Variants in CEP112 observed in about 807,000 individuals in gnomAD.
CEP112 encodes the protein centrosomal protein 112.
Under a neutral mutation model 153.0 loss-of-function variants are expected in CEP112, and 127 were observed. The observed-to-expected ratio is 0.83, with a 90% confidence interval of 0.72 to 0.96. CEP112 has a LOEUF of 0.96. Ranked by LOEUF, CEP112 falls within the 40% of genes least tolerant of loss-of-function variation. The probability of loss-of-function intolerance (pLI) is 0.00; values close to 1 mark genes in which losing one functional copy is unlikely to be tolerated. For synonymous variants in CEP112, 358 were observed against 374.4 expected, an observed-to-expected ratio of 0.96 and a Z score of 0.51; for missense variants, 1,089 against 1,101.2, an observed-to-expected ratio of 0.99 and a Z score of 0.16.
At chr17:65,981,795 G>A (rs1293331768) in intron 17 of CEP112, among the ~76,000 whole-genome samples, 2 of 152,058 alleles carry the variant, frequency 1.3e-5, no homozygotes, top group Admixed American at 6.6e-5. Context: ...GGCTGGTCTC[G>A]AACTCCTGAC....
At chr17:66,069,096 A>G (rs555297777) in intron 9 of CEP112, among the ~76,000 whole-genome samples, 1 of 151,788 alleles carries the variant, frequency 6.6e-6, no homozygotes, top group African/African-American at 2.4e-5. Context: ...TAATATATAT[A>G]TATTAAGCTT....
At chr17:65,641,366 T>A (rs1383258312) in intron 24 of CEP112, among the ~76,000 whole-genome samples, 1 of 152,150 alleles carries the variant, frequency 6.6e-6, no homozygotes, top group African/African-American at 2.4e-5. Flanking sequence ...ACTCATGAGG[T>A]TCCCCACTAT....
intron 12 of CEP112, among the ~76,000 whole-genome samples, chr17:66,051,932 A>C (rs1205762258): frequency 1.3e-5 from 2 of 152,234 alleles, no homozygotes; most frequent in Non-Finnish European, 2.9e-5. Context: ...TAATACACCT[A>C]ACCTACCAAA....
intron 24 of CEP112, among the ~76,000 whole-genome samples, chr17:65,650,726 C>T (rs1053808026): frequency 1.3e-5 from 1 of 76,980 alleles, no homozygotes; most frequent in Non-Finnish European, 2.2e-5. Context: ...TGAAAACTCT[C>T]TACTAAAAAA....
intron 12 of CEP112, among the ~76,000 whole-genome samples, chr17:66,043,388 ATATG>A (rs1295853528): frequency 1.3e-5 from 2 of 152,064 alleles, no homozygotes; most frequent in East Asian, 3.9e-4. Flanking sequence ...ATTTAGAAGC[ATATG>A]TATTACTTTA....
At chr17:65,952,659 T>C (rs1211794160) in intron 18 of CEP112, among the ~76,000 whole-genome samples, 2 of 152,166 alleles carry the variant, frequency 1.3e-5, no homozygotes. Flanking sequence ...ATATGGTCAT[T>C]GTGTATTTAA....
chr17:65,993,372 T>C (rs942708484), intron 17 of CEP112, among the ~76,000 whole-genome samples: 3 of 152,220 alleles, frequency 2.0e-5, no homozygotes, highest in African/African-American at 7.2e-5. Flanking sequence ...TCCATGTCTT[T>C]GCTACTGTGA....
chr17:66,153,724 A>G (rs7501670), intron 4 of CEP112, among the ~76,000 whole-genome samples: 152,210 of 152,260 alleles, frequency 1, 76,080 homozygotes, highest in Non-Finnish European at 1. Flanking sequence ...AAGCTGGAGG[A>G]CCTACACTAC....
intron 20 of CEP112, among the ~76,000 whole-genome samples, chr17:65,859,451 A>AAAAG (rs1555684826): frequency 5.3e-5 from 8 of 151,212 alleles, no homozygotes; most frequent in African/African-American, 9.7e-5. Flanking sequence ...AAAAAAAAAA[A>AAAAG]AAAAGAAAAG....
At chr17:65,870,077 G>GA (rs1173786781) in intron 20 of CEP112, among the ~76,000 whole-genome samples, 12 of 147,978 alleles carry the variant, frequency 8.1e-5, no homozygotes, top group African/African-American at 3.0e-4. Context: ...AAGAAAGAAA[G>GA]AAAGAAAAGA....
chr17:66,143,608 C>T (rs187047880), intron 4 of CEP112, among the ~76,000 whole-genome samples: 142 of 152,198 alleles, frequency 9.3e-4, no homozygotes, highest in South Asian at 5.6e-3. Context: ...GATTACAATT[C>T]GATACACAGA....
chr17:66,169,565 T>A (rs983638383), intron 4 of CEP112, among the ~76,000 whole-genome samples: 1 of 152,136 alleles, frequency 6.6e-6, no homozygotes, highest in Non-Finnish European at 1.5e-5. Flanking sequence ...ATTACAGGCA[T>A]AAGCCACCGC....
intron 21 of CEP112, among the ~76,000 whole-genome samples, chr17:65,780,453 T>C (rs1265980186): frequency 3.3e-5 from 5 of 152,120 alleles, no homozygotes; most frequent in Non-Finnish European, 5.9e-5. Context: ...ACCTTTACTT[T>C]GCTCTAGGGA....
intron 20 of CEP112, among the ~76,000 whole-genome samples, chr17:65,856,907 G>T (rs2058138641): frequency 6.6e-6 from 1 of 152,100 alleles, no homozygotes; most frequent in African/African-American, 2.4e-5. Context: ...TAGCATATTT[G>T]TCATATTTAG....
intron 13 of CEP112, 141 bp downstream of exon 13, chr17:66,029,727 CA>C: frequency 1.6e-6 from 1 of 617,714 alleles, no homozygotes; most frequent in Non-Finnish European, 2.5e-6. Flanking sequence ...AACAAACAAA[CA>C]AACAAACAAA....
At chr17:66,189,410 A>G (rs887629760) in intron 1 of CEP112, among the ~76,000 whole-genome samples, 2 of 151,940 alleles carry the variant, frequency 1.3e-5, no homozygotes, top group Non-Finnish European at 2.9e-5. Flanking sequence ...AGGCTGAAGC[A>G]GGAGAATCGC....
chr17:65,724,591 C>T (rs79801867), intron 23 of CEP112, among the ~76,000 whole-genome samples: 3,175 of 152,252 alleles, frequency 0.021, 117 homozygotes, highest in African/African-American at 0.073. Flanking sequence ...CTTATATATG[C>T]ATATATTCAT....
intron 18 of CEP112, among the ~76,000 whole-genome samples, chr17:65,953,810 C>A (rs1389538599): frequency 6.6e-6 from 1 of 152,190 alleles, no homozygotes; most frequent in Non-Finnish European, 1.5e-5. Context: ...CAGCCCCACA[C>A]AAGGAGAGGC....
At chr17:65,682,536 T>C (rs1330326019) in intron 24 of CEP112, among the ~76,000 whole-genome samples, 2 of 152,186 alleles carry the variant, frequency 1.3e-5, no homozygotes, top group Admixed American at 1.3e-4. Flanking sequence ...TGACAACTGC[T>C]TTCTAACGAA....
Sources: allele counts gnomAD v4.1 joint callset (sites outside exome capture counted in the v4.1 genomes callset), GRCh38; gene constraint gnomAD v4.1.1; transcripts MANE v1.5; gene names NCBI Gene and HGNC (gene_info 2026-07-23, HGNC 2026-07-21).